Variants in CACNB2 observed in about 807,000 individuals in gnomAD.
The protein encoded by CACNB2 is calcium voltage-gated channel auxiliary subunit beta 2.
CACNB2 carries 42 observed loss-of-function variants against 73.3 expected under a neutral mutation model. The ratio of observed to expected loss-of-function variants is 0.57; its 90% confidence interval spans 0.45 to 0.74. The LOEUF is 0.74. Among genes scored for constraint, CACNB2 ranks in the 30% least tolerant of loss-of-function variants. CACNB2 has a pLI of 0.00. For synonymous variants in CACNB2, 348 were observed against 310.3 expected (o/e 1.12, Z -1.28); for missense variants, 940 against 853.0 (o/e 1.10, Z -1.27).
chr10:18,494,037 T>C (rs1218270189), intron 3 of CACNB2, among the ~76,000 whole-genome samples: 1 of 152,232 alleles, frequency 6.6e-6, no homozygotes. Context: ...GTAGCATCAT[T>C]GGTTACAGGA....
intron 2 of CACNB2, among the ~76,000 whole-genome samples, chr10:18,312,648 A>G (rs746121561): frequency 1.3e-5 from 2 of 152,288 alleles, no homozygotes; most frequent in South Asian, 2.1e-4. Flanking sequence ...GGTCATTCAG[A>G]TCCCTAATCT....
At chr10:18,240,430 A>G (rs1311724824) in intron 2 of CACNB2, among the ~76,000 whole-genome samples, 2 of 152,190 alleles carry the variant, frequency 1.3e-5, no homozygotes, top group Admixed American at 6.5e-5. Flanking sequence ...TCAACTGTAC[A>G]GTTTTATAAT....
At chr10:18,394,973 C>T (rs890097639) in intron 2 of CACNB2, among the ~76,000 whole-genome samples, 2 of 152,126 alleles carry the variant, frequency 1.3e-5, no homozygotes, top group African/African-American at 4.8e-5. Flanking sequence ...CTAACAACAA[C>T]TTAAATGTAA....
rs376636577 is a variant in CACNB2, at chr10:18,498,404, C to T, written c.383C>T (p.Ala128Val). The part of the protein sequence containing the change: ...AVRTNVSYSA[A>V]HEDDVPVPGM... The stretch of plus-strand genomic sequence containing the variant: ...CGGACAAATGTCAGCTACAGTGCGG[C>T]CCATGAAGATGATGTTCCAGTGCCT... Residue 128 changes from alanine to valine, a missense_variant, in exon 4 of 14, where the codon GCC becomes GTC. Transcript: ENST00000324631. 5 of 1,613,964 alleles carry T rather than the reference C, an allele frequency of 3.1e-6. No individual in the cohort carries two copies. The African/African-American group carries it at 4.0e-5, about 13-fold the overall frequency.
intron 2 of CACNB2, among the ~76,000 whole-genome samples, chr10:18,251,223 C>T (rs1200322242): frequency 6.6e-6 from 1 of 151,864 alleles, no homozygotes; most frequent in Non-Finnish European, 1.5e-5. Flanking sequence ...ATTTTGTAGC[C>T]TTAAGCAAGT....
intron 5 of CACNB2, among the ~76,000 whole-genome samples, chr10:18,502,360 G>T (rs972098456): frequency 6.6e-6 from 1 of 150,936 alleles, no homozygotes; most frequent in African/African-American, 2.4e-5. Context: ...TGGAGCCGGA[G>T]GCCATTATCC....
chr10:18,414,589 A>G (rs1214228108), intron 3 of CACNB2, among the ~76,000 whole-genome samples: 2 of 151,348 alleles, frequency 1.3e-5, no homozygotes, highest in Non-Finnish European at 2.9e-5. Context: ...AGTTCAAGCA[A>G]TTCTCCTGCC....
At chr10:18,238,126 C>T (rs988077527) in intron 2 of CACNB2, among the ~76,000 whole-genome samples, 1 of 152,180 alleles carries the variant, frequency 6.6e-6, no homozygotes, top group Non-Finnish European at 1.5e-5. Flanking sequence ...TGAAACATCT[C>T]TCCCGCTTGC....
intron 9 of CACNB2, chr10:18,520,047 G>C (rs866963334): frequency 4.0e-6 from 1 of 252,918 alleles, no homozygotes; most frequent in Middle Eastern, 1.2e-3. Context: ...ACAGCCCAGG[G>C]CTAAGCTCTA....
chr10:18,459,325 C>T (rs1254850318), intron 3 of CACNB2, among the ~76,000 whole-genome samples: 2 of 152,196 alleles, frequency 1.3e-5, no homozygotes, highest in Admixed American at 6.5e-5. Flanking sequence ...AGAAATATCA[C>T]TATCCTTTGG....
intron 2 of CACNB2, among the ~76,000 whole-genome samples, chr10:18,230,190 C>T (rs1007434434): frequency 1.3e-5 from 2 of 152,174 alleles, no homozygotes; most frequent in African/African-American, 4.8e-5. Flanking sequence ...GCATCCCCAA[C>T]TCCCTTGTTC....
intron 1 of CACNB2, among the ~76,000 whole-genome samples, chr10:18,145,786 A>G (rs937218216): frequency 2.0e-5 from 3 of 152,214 alleles, no homozygotes; most frequent in Admixed American, 1.3e-4. Flanking sequence ...ACAACTGCAG[A>G]CAGAGAAAAC....
intron 3 of CACNB2, among the ~76,000 whole-genome samples, chr10:18,458,802 G>A (rs1262639435): frequency 7.6e-6 from 1 of 132,068 alleles, no homozygotes; most frequent in African/African-American, 2.8e-5. Context: ...GTCTCACTCT[G>A]TTGCCTAGGC....
chr10:18,298,369 C>CA (rs60553121), intron 2 of CACNB2, among the ~76,000 whole-genome samples: 29,216 of 129,190 alleles, frequency 0.23, 3,146 homozygotes, highest in Middle Eastern at 0.34. Flanking sequence ...AACTCTGTCT[C>CA]AAAAAAAAAA....
intron 3 of CACNB2, among the ~76,000 whole-genome samples, chr10:18,452,910 G>A (rs2047083339): frequency 6.6e-6 from 1 of 152,188 alleles, no homozygotes; most frequent in Non-Finnish European, 1.5e-5. Flanking sequence ...CTTGATAGCA[G>A]ACCTGGTTGA....
At chr10:18,354,139 G>A (rs746163599) in intron 2 of CACNB2, among the ~76,000 whole-genome samples, 14 of 152,294 alleles carry the variant, frequency 9.2e-5, no homozygotes, top group Middle Eastern at 6.8e-3. Context: ...TTCATTTGGA[G>A]TAATAATGAT....
At chr10:18,328,391 G>A (rs939329041) in intron 2 of CACNB2, among the ~76,000 whole-genome samples, 1 of 152,206 alleles carries the variant, frequency 6.6e-6, no homozygotes, top group Admixed American at 6.5e-5. Context: ...GGCTGAGAAA[G>A]ACTGGTTTAA....
chr10:18,423,311 T>A (rs571905692), intron 3 of CACNB2, among the ~76,000 whole-genome samples: 4 of 152,136 alleles, frequency 2.6e-5, no homozygotes, highest in Non-Finnish European at 5.9e-5. Context: ...TAGTTTGGGG[T>A]GGAGATAACG....
At chr10:18,155,574 G>C (rs1029706211) in intron 2 of CACNB2, among the ~76,000 whole-genome samples, 1 of 152,192 alleles carries the variant, frequency 6.6e-6, no homozygotes, top group Non-Finnish European at 1.5e-5. Flanking sequence ...TCAGTGAATA[G>C]AGTGGAATGC....
Sources: gnomAD v4.1 joint callset for allele counts (sites outside exome capture counted in the v4.1 genomes callset) on GRCh38, gnomAD v4.1.1 for gene constraint, MANE v1.5 for transcripts, NCBI Gene and HGNC (gene_info 2026-07-23, HGNC 2026-07-21) for gene names.